The following SNX29 variants were observed in gnomAD, a reference collection of about 807,000 sequenced individuals.
SNX29 encodes the protein sorting nexin-29.
SNX29 carries 78 observed loss-of-function variants against 102.1 expected under a neutral mutation model. The observed-to-expected ratio is 0.76, with a 90% CI of 0.64 to 0.92. The LOEUF (loss-of-function observed/expected upper bound fraction) is 0.92, where lower values mean the gene tolerates loss of function less well. Ranked by LOEUF, SNX29 falls within the 40% of genes least tolerant of loss-of-function variation. The pLI is 0.00. For synonymous variants in SNX29, 580 were observed against 414.5 expected (o/e 1.40, Z -4.85); for missense variants, 1,280 against 1,061.7 (o/e 1.21, Z -2.86).
At chr16:12,171,029 C>A (rs1046449673) in intron 13 of SNX29, among the ~76,000 whole-genome samples, 1 of 151,986 alleles carries the variant, frequency 6.6e-6, no homozygotes, top group African/African-American at 2.4e-5. Context: ...GATCACATAG[C>A]AGCTTGGAGG....
In SNX29 at chr16:12,569,260, A is replaced by T. The variant is rs148052852; in HGVS notation, c.*631A>T. 8.4e-4 allele frequency: 190 copies of T among 227,282 alleles called. 1 individual carries two copies. Among genetic ancestry groups the T allele is most frequent in the African/African-American group, 3.8e-3 (173 of 45,042 alleles). 14.1% of individuals were successfully genotyped at this position (227,282 alleles called of 1,614,324 possible). On this transcript the variant is annotated 3_prime_UTR_variant, in exon 21 of 21. Coordinates refer to ENST00000566228, the MANE Select transcript of SNX29 (RefSeq NM_032167.5). Reference sequence around the variant, plus strand: ...TGGCAAGGAGCCATTAGTGATGTGCAACTTGAGTTCAGAGAACTTCCCCTA... The same window carrying T: ...TGGCAAGGAGCCATTAGTGATGTGCTACTTGAGTTCAGAGAACTTCCCCTA...
Position 12,061,560 on chromosome 16 carries a change from T to A in SNX29, c.1157T>A (p.Met386Lys). The A allele has an allele frequency of 3.1e-6, 5 of 1,609,974 alleles. No individual in the cohort carries two copies. Among genetic ancestry groups the A allele is most frequent in the Non-Finnish European group, 4.2e-6 (5 of 1,178,614 alleles). ...PLEGNTCLSQ[M>K]HSWAPLKVLH... Reference sequence around the variant, plus strand: ...GAAGGGAACACCTGCCTCTCCCAGATGCACAGCTGGGCTCCGCTGAAGGTG... The same window carrying A: ...GAAGGGAACACCTGCCTCTCCCAGAAGCACAGCTGGGCTCCGCTGAAGGTG... Residue 386 changes from methionine (M) to lysine (K), a missense_variant, in exon 9 of 21, where the codon ATG (methionine) becomes AAG (lysine). Physicochemically the swap from Met to Lys is moderately conservative, Grantham distance 95 (BLOSUM62 -1). Coordinates refer to ENST00000566228, the MANE Select transcript of SNX29 (RefSeq NM_032167.5).
intron 3 of SNX29, among the ~76,000 whole-genome samples, chr16:12,014,334 A>G (rs919181020): frequency 6.6e-6 from 1 of 152,030 alleles, no homozygotes; most frequent in Non-Finnish European, 1.5e-5. Context: ...TGATTTTGTC[A>G]TTCCTCATCC....
At chr16:12,442,279 A>G (rs764580218) in intron 18 of SNX29, among the ~76,000 whole-genome samples, 2 of 152,170 alleles carry the variant, frequency 1.3e-5, no homozygotes, top group African/African-American at 4.8e-5. Flanking sequence ...TTGCATCTCT[A>G]TGCCTGTCCT....
At chr16:12,493,176 C>T (rs1449192916) in intron 19 of SNX29, among the ~76,000 whole-genome samples, 1 of 152,176 alleles carries the variant, frequency 6.6e-6, no homozygotes. Flanking sequence ...ATGGAATGTT[C>T]TTCCATTTGA....
intron 20 of SNX29, among the ~76,000 whole-genome samples, chr16:12,547,763 C>T (rs915753616): frequency 1.3e-5 from 2 of 152,176 alleles, no homozygotes; most frequent in Admixed American, 6.5e-5. Flanking sequence ...GAAGCTGCAG[C>T]TGCTCACACT....
chr16:12,530,151 G>A (rs1186553267), intron 20 of SNX29, among the ~76,000 whole-genome samples: 1 of 152,236 alleles, frequency 6.6e-6, no homozygotes, highest in Non-Finnish European at 1.5e-5. Context: ...AGGTGAGTTT[G>A]AGACCCCTGG....
At chr16:12,100,660 C>T (rs750568065) in intron 11 of SNX29, among the ~76,000 whole-genome samples, 2 of 146,720 alleles carry the variant, frequency 1.4e-5, no homozygotes, top group African/African-American at 2.5e-5. Flanking sequence ...GCAGAGGGAA[C>T]GGCCAGGACA....
chr16:12,449,503 C>T (rs2086209632), intron 18 of SNX29, among the ~76,000 whole-genome samples: 1 of 152,090 alleles, frequency 6.6e-6, no homozygotes, highest in Admixed American at 6.5e-5. Context: ...CCAAACCAAA[C>T]TGGCTTACAG....
chr16:12,197,213 CAT>C (rs1370796125), intron 13 of SNX29, among the ~76,000 whole-genome samples: 6 of 152,266 alleles, frequency 3.9e-5, no homozygotes, highest in African/African-American at 1.4e-4. Context: ...CTTGAATTCA[CAT>C]GTGAAGATTG....
chr16:12,312,754 A>G (rs1249271093), intron 15 of SNX29, among the ~76,000 whole-genome samples: 7 of 152,048 alleles, frequency 4.6e-5, no homozygotes, highest in African/African-American at 1.7e-4. Context: ...CTTCCATGGT[A>G]AGGGAGAAAC....
chr16:12,310,854 G>A (rs534744057), intron 15 of SNX29, among the ~76,000 whole-genome samples: 91 of 152,184 alleles, frequency 6.0e-4, no homozygotes, highest in African/African-American at 2.1e-3. Flanking sequence ...CTGGCACATA[G>A]GAGCAGTGCC....
intron 5 of SNX29, among the ~76,000 whole-genome samples, chr16:12,043,549 G>A (rs537326708): frequency 2.8e-4 from 42 of 152,054 alleles, no homozygotes; most frequent in Middle Eastern, 3.4e-3. Flanking sequence ...TAGCGATGGG[G>A]TCTCAGTGTG....
chr16:12,390,425 T>C (rs6498285), intron 16 of SNX29, among the ~76,000 whole-genome samples: 2,330 of 152,284 alleles, frequency 0.015, 58 homozygotes, highest in African/African-American at 0.053. Flanking sequence ...CTTAACTGTC[T>C]AATGAATTGT....
At chr16:12,356,948 C>G (rs114454252) in intron 16 of SNX29, among the ~76,000 whole-genome samples, 3 of 152,316 alleles carry the variant, frequency 2.0e-5, no homozygotes, top group Non-Finnish European at 2.9e-5. Flanking sequence ...GGTTGAGATT[C>G]GCTGATCTAG....
At chr16:12,547,619 T>G (rs1423325727) in intron 20 of SNX29, among the ~76,000 whole-genome samples, 4 of 151,960 alleles carry the variant, frequency 2.6e-5, no homozygotes, top group Non-Finnish European at 5.9e-5. Context: ...TCAGCACCAC[T>G]AAGCTGTCCC....
At chr16:12,353,955 GA>G (rs1425745999) in intron 15 of SNX29, among the ~76,000 whole-genome samples, 2 of 152,172 alleles carry the variant, frequency 1.3e-5, no homozygotes, top group Admixed American at 1.3e-4. Context: ...TGTGGGTGTT[GA>G]AAAATAAGAA....
intron 6 of SNX29, among the ~76,000 whole-genome samples, chr16:12,047,131 G>T (rs1259893592): frequency 1.3e-5 from 2 of 152,194 alleles, no homozygotes; most frequent in East Asian, 1.9e-4. Flanking sequence ...TGTGAGGTGG[G>T]AATCATGCTG....
rs150329744 is a variant in SNX29, at chr16:12,203,721, A to G, written c.1678+4038A>G. On this transcript the variant is annotated intron_variant, in intron 14 of 20. Transcript: ENST00000566228. The stretch of plus-strand genomic sequence containing the variant: ...TTGCTGTAAGACAACCATCCTAGGC[A>G]GTGGGCTTCTCTTGGACTCTTCCCA... Among the ~76,000 whole-genome samples the G allele has an allele frequency of 8.0e-3, 1,213 of 152,314 alleles. 17 individuals are homozygous for G. The highest frequency in any genetic ancestry group is 0.027 in the African/African-American group (1,137 of 41,564).
Sources: allele counts gnomAD v4.1 joint callset (sites outside exome capture counted in the v4.1 genomes callset), GRCh38; gene constraint gnomAD v4.1.1; transcripts MANE v1.5; gene names NCBI Gene and HGNC (gene_info 2026-07-23, HGNC 2026-07-21).